The following EFCAB6 variants were observed in gnomAD, a reference collection of about 807,000 sequenced individuals.
The protein encoded by EFCAB6 is EF-hand calcium binding domain 6.
A neutral mutation model predicts 169.8 loss-of-function variants in EFCAB6; 156 were observed. The ratio of observed to expected loss-of-function variants is 0.92; its 90% CI spans 0.81 to 1.05. The LOEUF (loss-of-function observed/expected upper bound fraction) is 1.05, where lower values mean the gene tolerates loss of function less well. Ranked by LOEUF, EFCAB6 falls within the 50% of genes least tolerant of loss-of-function variation. The probability of loss-of-function intolerance (pLI) is 0.00; values close to 1 mark genes in which losing one functional copy is unlikely to be tolerated. For missense variants in EFCAB6, 1,800 were observed against 1,829.1 expected (o/e 0.98, Z 0.29); for synonymous variants, 698 against 676.4 (o/e 1.03, Z -0.50).
At chr22:43,564,566 G>A (rs958951744) in intron 26 of EFCAB6, among the ~76,000 whole-genome samples, 6 of 152,192 alleles carry the variant, frequency 3.9e-5, no homozygotes, top group African/African-American at 1.4e-4. Flanking sequence ...CTCTAAGGGA[G>A]AAGCTGCCTT....
At chr22:43,685,324 G>T (rs1032706563) in intron 11 of EFCAB6, among the ~76,000 whole-genome samples, 3 of 152,154 alleles carry the variant, frequency 2.0e-5, no homozygotes, top group African/African-American at 7.2e-5. Context: ...TAGTGTGTGG[G>T]TCTGTGGGGG....
intron 15 of EFCAB6, 121 bp from the exon 16 acceptor site, chr22:43,669,166 T>A: frequency 1.2e-6 from 1 of 841,066 alleles, no homozygotes. Context: ...CTGGTGGGAA[T>A]GTAAAATGGT....
intron 7 of EFCAB6, among the ~76,000 whole-genome samples, chr22:43,734,951 C>T (rs1391069071): frequency 6.6e-6 from 1 of 152,144 alleles, no homozygotes; most frequent in Non-Finnish European, 1.5e-5. Context: ...ACTTAGAACA[C>T]CAGTGCAATG....
At chr22:43,618,169 A>AGAAAGAAAGAAAGAAAGAAG (rs2053844624) in intron 20 of EFCAB6, among the ~76,000 whole-genome samples, 1 of 30,546 alleles carries the variant, frequency 3.3e-5, no homozygotes, top group East Asian at 1.1e-3. Flanking sequence ...AAGGAAGGAA[A>AGAAAGAAAGAAAGAAAGAAG]GAAAGAAAGA....
chr22:43,776,354 C>T (rs532464074), intron 3 of EFCAB6, among the ~76,000 whole-genome samples: 2 of 152,296 alleles, frequency 1.3e-5, no homozygotes, highest in African/African-American at 4.8e-5. Context: ...CCTGACGGTA[C>T]TGCAGTGAAT....
chr22:43,652,406 A>G (rs2056516880), intron 17 of EFCAB6, among the ~76,000 whole-genome samples: 1 of 151,692 alleles, frequency 6.6e-6, no homozygotes, highest in Non-Finnish European at 1.5e-5. Flanking sequence ...TGTAAGTCCA[A>G]TTAAGCCTCT....
At chr22:43,764,320 T>C (rs1234035672) in intron 5 of EFCAB6, among the ~76,000 whole-genome samples, 1 of 152,214 alleles carries the variant, frequency 6.6e-6, no homozygotes, top group African/African-American at 2.4e-5. Flanking sequence ...TTTCTGTTCC[T>C]GCATTAATTT....
At chr22:43,760,119 G>A (rs972577851) in intron 5 of EFCAB6, among the ~76,000 whole-genome samples, 13 of 147,242 alleles carry the variant, frequency 8.8e-5, no homozygotes, top group Non-Finnish European at 1.9e-4. Flanking sequence ...CAGAAGAACC[G>A]CTTGAACCCA....
intron 10 of EFCAB6, among the ~76,000 whole-genome samples, chr22:43,693,105 C>G (rs2058464836): frequency 6.6e-6 from 1 of 151,934 alleles, no homozygotes; most frequent in Non-Finnish European, 1.5e-5. Context: ...CAAAAGAAAG[C>G]AAAAAGTTAC....
rs139875304 is a variant in EFCAB6 at position 43,603,868 on chromosome 22, A to T, written c.2682-3605T>A. 4.2e-3 allele frequency among the ~76,000 whole-genome samples: 643 copies of T among 152,306 alleles called. 2 individuals carry two copies. Among genetic ancestry groups the T allele is most frequent in the Admixed American group, 6.6e-3 (101 of 15,306 alleles). On this transcript the variant is annotated intron_variant, in intron 22 of 31. Coordinates refer to ENST00000262726, the MANE Select transcript of EFCAB6 (RefSeq NM_022785.4). ...GGATTTGTGTCCCCACCCAAATCTC[A>T]TGTCAAATTGTAATCCCCAGTGTTG... is the stretch of plus-strand genomic sequence containing the variant.
At chr22:43,584,089 C>T (rs1243850383) in intron 24 of EFCAB6, among the ~76,000 whole-genome samples, 1 of 152,030 alleles carries the variant, frequency 6.6e-6, no homozygotes, top group Non-Finnish European at 1.5e-5. Context: ...AACCTATGAA[C>T]CAAGCAGGAA....
chr22:43,557,693 T>A (rs768468511), intron 26 of EFCAB6, among the ~76,000 whole-genome samples: 1 of 152,078 alleles, frequency 6.6e-6, no homozygotes, highest in Non-Finnish European at 1.5e-5. Context: ...AATACCAAAA[T>A]ATGATAAAGA....
At chr22:43,802,365 C>A (rs1284596816) in intron 2 of EFCAB6, among the ~76,000 whole-genome samples, 4 of 152,016 alleles carry the variant, frequency 2.6e-5, no homozygotes, top group Non-Finnish European at 5.9e-5. Context: ...CCTATCTCTA[C>A]TAAAACTATG....
chr22:43,756,558 G>C (rs1321889543), intron 5 of EFCAB6, among the ~76,000 whole-genome samples: 1 of 152,248 alleles, frequency 6.6e-6, no homozygotes, highest in East Asian at 1.9e-4. Context: ...AGGCAGAGCT[G>C]GCGCCCCTCC....
intron 17 of EFCAB6, among the ~76,000 whole-genome samples, chr22:43,647,702 G>T (rs2056249840): frequency 6.6e-6 from 1 of 152,200 alleles, no homozygotes; most frequent in Non-Finnish European, 1.5e-5. Context: ...GAACAAGAGA[G>T]AAATTTGGAC....
intron 8 of EFCAB6, among the ~76,000 whole-genome samples, chr22:43,717,822 G>A (rs1199324451): frequency 6.6e-6 from 1 of 152,060 alleles, no homozygotes; most frequent in African/African-American, 2.4e-5. Flanking sequence ...TTTTCTTTAT[G>A]AGAGGAAAAA....
At chr22:43,777,059 C>T (rs1362878702) in intron 3 of EFCAB6, among the ~76,000 whole-genome samples, 3 of 152,110 alleles carry the variant, frequency 2.0e-5, no homozygotes, top group Admixed American at 1.3e-4. Context: ...CATGATCTAT[C>T]GGATCTGTAG....
intron 24 of EFCAB6, among the ~76,000 whole-genome samples, chr22:43,581,059 A>G (rs1166788045): frequency 6.6e-6 from 1 of 152,222 alleles, no homozygotes; most frequent in East Asian, 1.9e-4. Flanking sequence ...GCATAGCAGC[A>G]TCATGGGAAG....
intron 20 of EFCAB6, among the ~76,000 whole-genome samples, chr22:43,617,781 G>A (rs1455675014): frequency 2.0e-5 from 3 of 152,080 alleles, no homozygotes; most frequent in Non-Finnish European, 2.9e-5. Context: ...ACACTGTGAT[G>A]GAGAAACTTA....
Sources: allele counts gnomAD v4.1 joint callset (sites outside exome capture counted in the v4.1 genomes callset), GRCh38; gene constraint gnomAD v4.1.1; transcripts MANE v1.5; gene names NCBI Gene and HGNC (gene_info 2026-07-23, HGNC 2026-07-21).